The following RASA3 variants were observed in gnomAD, a reference collection of about 807,000 sequenced individuals.
RASA3 encodes ras GTPase-activating protein 3.
Under a neutral mutation model 110.0 loss-of-function variants are expected in RASA3, and 73 were observed. That is an observed-to-expected ratio of 0.66 (90% CI 0.55 to 0.81). The LOEUF (loss-of-function observed/expected upper bound fraction) is 0.81, where lower values mean the gene tolerates loss of function less well. Among genes scored for constraint, RASA3 ranks in the 30% least tolerant of loss-of-function variants. The pLI, the probability that RASA3 is intolerant of heterozygous loss-of-function variation, is 0.00. For synonymous variants in RASA3, 500 were observed against 451.4 expected (o/e 1.11, Z -1.37); for missense variants, 976 against 1,113.2 (o/e 0.88, Z 1.75).
At chr13:113,992,990 C>T (rs908203066) in intron 21 of RASA3, among the ~76,000 whole-genome samples, 2 of 152,190 alleles carry the variant, frequency 1.3e-5, no homozygotes, top group African/African-American at 2.4e-5. Context: ...ACTCCAGAAT[C>T]TTATCAATAC....
intron 2 of RASA3, among the ~76,000 whole-genome samples, chr13:114,072,877 G>A (rs957963579): frequency 1.4e-5 from 2 of 139,894 alleles, no homozygotes; most frequent in Non-Finnish European, 1.5e-5. Flanking sequence ...TCTACACACA[G>A]AAAAATTCTC....
chr13:114,053,806 A>C (rs964505334), intron 2 of RASA3, among the ~76,000 whole-genome samples: 1 of 152,246 alleles, frequency 6.6e-6, no homozygotes, highest in Admixed American at 6.5e-5. Context: ...AACATTAAAA[A>C]CTTTTTTGCA....
intron 1 of RASA3, among the ~76,000 whole-genome samples, chr13:114,082,102 T>G (rs1246514114): frequency 6.6e-6 from 1 of 152,328 alleles, no homozygotes; most frequent in East Asian, 1.9e-4. Flanking sequence ...TGGTTCTGGG[T>G]GCAGCCAGGA....
At position 114,019,496 on chromosome 13, in the gene RASA3, C is replaced by T. The variant is rs1039291502; in HGVS notation, c.786-577G>A. The stretch of plus-strand genomic sequence containing the variant: ...CTCTCAGGTGGGTGGAGCCTGTGTC[C>T]GAGGCCCCGCCCCCATCAGGTGGGT... On this transcript the variant is annotated intron_variant, in intron 9 of 23. Coordinates refer to ENST00000334062, the MANE Select transcript of RASA3 (RefSeq NM_007368.4). Among the ~76,000 whole-genome samples, 8 of 151,886 alleles carry T rather than the reference C, an allele frequency of 5.3e-5. No homozygotes were observed. In the East Asian group the frequency reaches 7.7e-4, roughly 15 times the overall value.
rs2053363047 is a variant in RASA3, at chr13:114,000,225, A to T, written c.1850-558T>A. Among the ~76,000 whole-genome samples the T allele has an allele frequency of 2.6e-5, 4 of 151,268 alleles. No individual in the cohort carries two copies. The South Asian group carries it at 8.4e-4, about 32-fold the overall frequency. ...TGCCCTGGGCCGGAGGAGGTGCCCC[A>T]TGTTCATCTCCTTGGGGATGATGGC... On this transcript the variant is annotated intron_variant, in intron 19 of 23. Transcript: ENST00000334062.
intron 1 of RASA3, among the ~76,000 whole-genome samples, chr13:114,131,309 AGGACCGTGG>A (rs1273334541): frequency 1.3e-5 from 2 of 152,142 alleles, no homozygotes; most frequent in Non-Finnish European, 2.9e-5. Context: ...GTGGGGGAGA[AGGACCGTGG>A]GGACCGCGAC....
rs116148280 is a variant in RASA3 at position 114,059,015 on chromosome 13, T to C, written c.174-6860A>G. On this transcript the variant is annotated intron_variant, in intron 2 of 23. Transcript: ENST00000334062. Reference sequence around the variant, plus strand: ...GAGTTAGAGATCAACCTGGGCAACATAGCAAGACCCCAACTCAACAGAAAA... The same window carrying C: ...GAGTTAGAGATCAACCTGGGCAACACAGCAAGACCCCAACTCAACAGAAAA... Among the ~76,000 whole-genome samples, 910 of 152,278 alleles carry C rather than the reference T, an allele frequency of 6.0e-3. 2 individuals are homozygous for C. The highest frequency in any genetic ancestry group is 0.018 in the African/African-American group (730 of 41,554).
At chr13:114,015,172 A>T (rs2274719) in intron 14 of RASA3, 37 bp downstream of exon 14, 3 of 1,610,758 alleles carry the variant, frequency 1.9e-6, no homozygotes, top group Non-Finnish European at 2.5e-6. Context: ...GCGCTATGGC[A>T]GTTTCTCAGC....
intron 23 of RASA3, among the ~76,000 whole-genome samples, chr13:113,980,414 G>A (rs922314224): frequency 7.3e-6 from 1 of 137,868 alleles, no homozygotes; most frequent in Admixed American, 7.2e-5. Context: ...CTCCTCCCAC[G>A]TGTTCACCTC....
chr13:114,000,706 C>T (rs545625030), intron 19 of RASA3, 120 bp downstream of exon 19: 13 of 773,882 alleles, frequency 1.7e-5, no homozygotes, highest in Admixed American at 6.3e-5. Flanking sequence ...ACCGCGGCCC[C>T]GGGCTCTGCC....
At chr13:114,019,706 C>T (rs146714716) in intron 9 of RASA3, among the ~76,000 whole-genome samples, 238 of 148,766 alleles carry the variant, frequency 1.6e-3, no homozygotes, top group Middle Eastern at 3.7e-3. Flanking sequence ...AGGCATTAGC[C>T]CCCGCCAGGT....
At chr13:114,023,665 G>A (rs1447348687) in intron 8 of RASA3, among the ~76,000 whole-genome samples, 4 of 152,218 alleles carry the variant, frequency 2.6e-5, no homozygotes, top group African/African-American at 9.6e-5. Context: ...CTGAGATCGC[G>A]TCCTGACCTG....
chr13:114,016,116 G>A lies in RASA3; in HGVS notation c.1281+81C>T, dbSNP rs1418239826. On this transcript the variant is annotated intron_variant, in intron 13 of 23. Transcript: ENST00000334062. ...CCCACCCCAACCGGGGTCACGGGGTGAGTCAGAGCTTCCAGGCAGCCATCG... is the reference window on the plus strand; with the variant it reads ...CCCACCCCAACCGGGGTCACGGGGTAAGTCAGAGCTTCCAGGCAGCCATCG... The A allele has an allele frequency of 2.3e-6, 3 of 1,281,616 alleles. No individual in the cohort carries two copies. The East Asian group carries it at 7.1e-5, about 30-fold the overall frequency. 79.4% of individuals were successfully genotyped at this position (1,281,616 alleles called of 1,614,324 possible).
intron 1 of RASA3, among the ~76,000 whole-genome samples, chr13:114,117,744 T>TGTGTGAGGGGTGCACGG: frequency 1.7e-5 from 2 of 120,412 alleles, no homozygotes; most frequent in Non-Finnish European, 3.3e-5. Flanking sequence ...GGAGAGCACG[T>TGTGTGAGGGGTGCACGG]GTGTGAGGGA....
At chr13:113,980,152 TGCACACCTCCTCCCACGTGTGTGC>T (rs1327227153) in intron 23 of RASA3, among the ~76,000 whole-genome samples, 1 of 138,832 alleles carries the variant, frequency 7.2e-6, no homozygotes, top group East Asian at 2.2e-4. Flanking sequence ...GCCACGTGTG[TGCACACCTCCTCCCACGTGTGTGC>T]ACCTCCTCCC....
At chr13:113,979,528 G>T in intron 23 of RASA3, 106 bp from the exon 24 acceptor site, 2 of 890,410 alleles carry the variant, frequency 2.2e-6, no homozygotes, top group Non-Finnish European at 3.7e-6. Flanking sequence ...CACTCACACT[G>T]CAATCCACAC....
At chr13:114,055,207 ATG>A (rs1253844793) in intron 2 of RASA3, among the ~76,000 whole-genome samples, 1 of 152,072 alleles carries the variant, frequency 6.6e-6, no homozygotes, top group Non-Finnish European at 1.5e-5. Flanking sequence ...GTGCCCATAC[ATG>A]TGTGCTCACA....
chr13:114,028,200 C>T (rs933203721), intron 5 of RASA3, among the ~76,000 whole-genome samples: 5 of 95,666 alleles, frequency 5.2e-5, no homozygotes, highest in Admixed American at 1.2e-4. Flanking sequence ...GCAGCGTCAT[C>T]GGGGGGGCGG....
intron 21 of RASA3, among the ~76,000 whole-genome samples, chr13:113,993,467 A>G (rs920916582): frequency 1.3e-5 from 2 of 151,894 alleles, no homozygotes; most frequent in African/African-American, 4.8e-5. Context: ...TGAGCCACTG[A>G]GCCCGGCCTC....
Sources: gnomAD v4.1 joint callset for allele counts (sites outside exome capture counted in the v4.1 genomes callset) on GRCh38, gnomAD v4.1.1 for gene constraint, MANE v1.5 for transcripts, NCBI Gene and HGNC (gene_info 2026-07-23, HGNC 2026-07-21) for gene names.